TACR3: variants seen among roughly 807,000 people sequenced by gnomAD.
TACR3 encodes the protein neuromedin-K receptor.
In TACR3, 34 loss-of-function variants were observed where a neutral mutation model predicts 35.0. That is an observed-to-expected ratio of 0.97 (90% CI 0.74 to 1.30). The LOEUF (loss-of-function observed/expected upper bound fraction) is 1.30. Among genes scored for constraint, TACR3 ranks in the 50% most tolerant of loss-of-function variants. TACR3 has a pLI of 0.00. For missense variants in TACR3, 558 were observed against 591.7 expected, an observed-to-expected ratio of 0.94 and a Z score of 0.59; for synonymous variants, 233 against 221.1, an observed-to-expected ratio of 1.05 and a Z score of -0.48.
At chr4:103,692,398 C>T (rs1007761592) in intron 1 of TACR3, among the ~76,000 whole-genome samples, 13 of 152,136 alleles carry the variant, frequency 8.5e-5, no homozygotes. Flanking sequence ...AACATTGCTT[C>T]AAGTTGTACA....
intron 1 of TACR3, among the ~76,000 whole-genome samples, chr4:103,697,406 A>G (rs142350994): frequency 0.063 from 5,590 of 88,908 alleles, 128 homozygotes; most frequent in African/African-American, 0.18. Flanking sequence ...TTATTTGTTT[A>G]TTTATTTATT....
chr4:103,603,271 C>T (rs1015195975), intron 3 of TACR3, among the ~76,000 whole-genome samples: 8 of 152,238 alleles, frequency 5.3e-5, no homozygotes, highest in African/African-American at 1.7e-4. Flanking sequence ...TGGGAGTGAC[C>T]CGATTTTCCA....
Position 103,599,465 on chromosome 4 carries a change from G to T in TACR3, c.889-7782C>A, listed in dbSNP as rs530376399. Among the ~76,000 whole-genome samples, 38 of 152,220 alleles carry T rather than the reference G, an allele frequency of 2.5e-4. No homozygotes were observed. In the South Asian group the frequency reaches 5.0e-3, roughly 20 times the overall value. ...CTTTATTCCCTTCTCCTGTCTGATT[G>T]CCCTGGCCAGAACTTCCAACACTAT... On this transcript the variant is annotated intron_variant, in intron 3 of 4. Transcript: ENST00000304883.
intron 3 of TACR3, among the ~76,000 whole-genome samples, chr4:103,631,778 C>CTCCA (rs1725072200): frequency 6.6e-6 from 1 of 152,170 alleles, no homozygotes; most frequent in Admixed American, 6.6e-5. Context: ...ATTCACAAAA[C>CTCCA]TCCATCCATC....
chr4:103,612,346 T>TC (rs1185082016), intron 3 of TACR3, among the ~76,000 whole-genome samples: 1 of 152,168 alleles, frequency 6.6e-6, no homozygotes, highest in African/African-American at 2.4e-5. Context: ...AGAATATCAC[T>TC]CCAACAGTCA....
Position 103,719,873 on chromosome 4 carries a change from A to C in TACR3, c.-198T>G. On this transcript the variant is annotated 5_prime_UTR_variant, in exon 1 of 5. Coordinates refer to ENST00000304883, the MANE Select transcript of TACR3 (RefSeq NM_001059.3). ...AGGGGCAACAGCTGCACTTTCTCAG[A>C]GGCGCTTGCGGCTCTGGCAGGCAGA... is the stretch of plus-strand genomic sequence containing the variant. 1 of 659,356 alleles carries C rather than the reference A, an allele frequency of 1.5e-6. No individual in the cohort carries two copies. Among genetic ancestry groups the C allele is most frequent in the Admixed American group, 2.9e-5 (1 of 34,260 alleles). The allele number at this position is 659,356 out of a possible 1,614,324, so 40.8% of individuals were successfully genotyped here. A position where few individuals can be genotyped will look rare whatever the true frequency, so the allele number is the denominator to read the frequency against.
intron 1 of TACR3, among the ~76,000 whole-genome samples, chr4:103,688,105 A>G (rs151237348): frequency 6.6e-6 from 1 of 152,148 alleles, no homozygotes; most frequent in South Asian, 2.1e-4. Context: ...ATATCTACAA[A>G]TATCTGATCT....
intron 3 of TACR3, among the ~76,000 whole-genome samples, chr4:103,624,820 G>T (rs931204850): frequency 6.6e-6 from 1 of 152,132 alleles, no homozygotes; most frequent in Non-Finnish European, 1.5e-5. Flanking sequence ...TCTGAATAGG[G>T]TAACAGATGT....
intron 3 of TACR3, among the ~76,000 whole-genome samples, chr4:103,597,700 C>G (rs950005617): frequency 6.0e-5 from 9 of 150,554 alleles, no homozygotes; most frequent in Non-Finnish European, 1.3e-4. Flanking sequence ...TGAGAACATG[C>G]AGTTTGGTTT....
chr4:103,716,960 G>A (rs1036057551), intron 1 of TACR3, among the ~76,000 whole-genome samples: 1 of 152,088 alleles, frequency 6.6e-6, no homozygotes, highest in African/African-American at 2.4e-5. Context: ...CCTCAGAAAG[G>A]TTTTCTTTAA....
At chr4:103,689,914 A>G (rs1305146149) in intron 1 of TACR3, among the ~76,000 whole-genome samples, 1 of 152,182 alleles carries the variant, frequency 6.6e-6, no homozygotes, top group African/African-American at 2.4e-5. Context: ...GGTGAAAGTG[A>G]AAGAAAAAGT....
intron 1 of TACR3, among the ~76,000 whole-genome samples, chr4:103,700,094 G>A (rs1380165403): frequency 3.3e-5 from 5 of 152,022 alleles, no homozygotes; most frequent in African/African-American, 1.2e-4. Context: ...GTCATGTGCT[G>A]GTAAATGATT....
chr4:103,617,661 A>G (rs138314527), intron 3 of TACR3, among the ~76,000 whole-genome samples: 32 of 152,334 alleles, frequency 2.1e-4, no homozygotes, highest in African/African-American at 7.2e-4. Context: ...TGGAATATCA[A>G]AATGATTCAT....
At chr4:103,634,477 G>T (rs1725136034) in intron 3 of TACR3, among the ~76,000 whole-genome samples, 1 of 151,668 alleles carries the variant, frequency 6.6e-6, no homozygotes, top group African/African-American at 2.4e-5. Flanking sequence ...TATTTAAAGG[G>T]CATGATAGAA....
chr4:103,600,793 G>GTTC (rs1553967329), intron 3 of TACR3, among the ~76,000 whole-genome samples: 2 of 152,158 alleles, frequency 1.3e-5, no homozygotes, highest in Non-Finnish European at 1.5e-5. Flanking sequence ...TTAATCCTGA[G>GTTC]TTCTAGTTTG....
At chr4:103,673,558 T>G (rs952039073) in intron 1 of TACR3, among the ~76,000 whole-genome samples, 5 of 152,012 alleles carry the variant, frequency 3.3e-5, no homozygotes, top group African/African-American at 1.2e-4. Flanking sequence ...ATTACCAGAG[T>G]AACATCAATG....
At chr4:103,592,010 A>T (rs577277496) in intron 3 of TACR3, among the ~76,000 whole-genome samples, 1 of 152,286 alleles carries the variant, frequency 6.6e-6, no homozygotes, top group Non-Finnish European at 1.5e-5. Context: ...AGGAACTAGG[A>T]TGTGGCTGTG....
chr4:103,629,853 A>AC (rs1560813980), intron 3 of TACR3, among the ~76,000 whole-genome samples: 4 of 115,494 alleles, frequency 3.5e-5, no homozygotes, highest in African/African-American at 7.3e-5. Flanking sequence ...AGCAAAACAA[A>AC]AAAAAAACAA....
At chr4:103,607,301 G>A (rs1287956350) in intron 3 of TACR3, among the ~76,000 whole-genome samples, 1 of 152,016 alleles carries the variant, frequency 6.6e-6, no homozygotes, top group Non-Finnish European at 1.5e-5. Flanking sequence ...TAGTTTTTGA[G>A]TTTTGAATTT....
Sources: allele counts gnomAD v4.1 joint callset (sites outside exome capture counted in the v4.1 genomes callset), GRCh38; gene constraint gnomAD v4.1.1; transcripts MANE v1.5; gene names NCBI Gene and HGNC (gene_info 2026-07-23, HGNC 2026-07-21).